Variants in GADL1 observed in about 807,000 individuals in gnomAD.
The protein encoded by GADL1 is acidic amino acid decarboxylase GADL1.
A neutral mutation model predicts 69.5 loss-of-function variants in GADL1; 71 were observed. The observed-to-expected ratio is 1.02, with a 90% confidence interval of 0.84 to 1.25. The LOEUF is 1.25. Ranked by LOEUF, GADL1 falls within the 50% of genes most tolerant of loss-of-function variation. The pLI is 0.00. For synonymous variants in GADL1, 254 were observed against 214.4 expected (o/e 1.18, Z -1.62); for missense variants, 737 against 631.8 (o/e 1.17, Z -1.79).
intron 9 of GADL1, among the ~76,000 whole-genome samples, chr3:30,834,811 C>A (rs1221850535): frequency 2.0e-5 from 3 of 152,082 alleles, no homozygotes; most frequent in East Asian, 1.9e-4. Context: ...AGAGAGAGGG[C>A]AAGCTTGGGA....
rs1287585308 is a variant in GADL1 at position 30,833,893 on chromosome 3, G to A, written c.1010C>T (p.Ala337Val). ...AAGGAGAGCACAGCACTGGATCCCA[G>A]CCATCAGCATCTTGTGTGGGTTCCA... is the stretch of plus-strand genomic sequence containing the variant. ...VAWNPHKMLM[A>V]GIQCCALLVK... Residue 337 changes from alanine (A) to valine (V), a missense_variant, in exon 11 of 15, where the codon GCT (alanine) becomes GTT (valine). Coordinates refer to ENST00000282538, the MANE Select transcript of GADL1 (RefSeq NM_207359.3). The A allele has an allele frequency of 6.2e-7, 1 of 1,612,684 alleles. No homozygotes were observed. The highest frequency in any genetic ancestry group is 1.3e-5 in the African/African-American group (1 of 74,804).
chr3:30,894,499 C>T (rs1698830543), intron 1 of GADL1, 79 bp downstream of exon 1: 1 of 1,183,530 alleles, frequency 8.4e-7, no homozygotes, highest in Non-Finnish European at 1.2e-6. Flanking sequence ...AACTTCTAGT[C>T]CCCAGGTCAA....
chr3:30,889,455 A>T (rs1479681434), intron 1 of GADL1, among the ~76,000 whole-genome samples: 2 of 152,210 alleles, frequency 1.3e-5, no homozygotes, highest in Non-Finnish European at 2.9e-5. Flanking sequence ...CAATTAGGGA[A>T]CACTTACACA....
chr3:30,751,644 T>C (rs1010750127), intron 14 of GADL1, among the ~76,000 whole-genome samples: 4 of 152,126 alleles, frequency 2.6e-5, no homozygotes, highest in African/African-American at 4.8e-5. Flanking sequence ...TGAAACAGTT[T>C]GAGGAATTAT....
rs1696063993 is a variant in GADL1 at position 30,759,310 on chromosome 3, C to T, written c.1392+18869G>A. Among the ~76,000 whole-genome samples the T allele has an allele frequency of 5.9e-5, 9 of 152,124 alleles. No homozygotes were observed. In the South Asian group the frequency reaches 1.9e-3, roughly 32 times the overall value. On this transcript the variant is annotated intron_variant, in intron 14 of 14. Transcript: ENST00000282538. ...AAATTAGCCAGAGTATATTCTACTC[C>T]CTGCACTTGATTTCTAAACAATAGC... is the stretch of plus-strand genomic sequence containing the variant.
chr3:30,794,411 C>A (rs895750034), intron 12 of GADL1, among the ~76,000 whole-genome samples: 3 of 152,124 alleles, frequency 2.0e-5, no homozygotes, highest in Non-Finnish European at 4.4e-5. Context: ...CCCTCAGCAA[C>A]AGGTAACCTT....
At chr3:30,889,097 A>T (rs1472842954) in intron 1 of GADL1, among the ~76,000 whole-genome samples, 1 of 147,770 alleles carries the variant, frequency 6.8e-6, no homozygotes, top group Admixed American at 6.8e-5. Context: ...AAAAAAAAAA[A>T]AAAAAAAAAA....
At chr3:30,877,961 A>G (rs917040040) in intron 1 of GADL1, among the ~76,000 whole-genome samples, 6 of 151,954 alleles carry the variant, frequency 3.9e-5, no homozygotes, top group African/African-American at 1.4e-4. Context: ...CACTACACCA[A>G]AAAATCTCAG....
chr3:30,739,231 C>T (rs1489351850), intron 14 of GADL1, among the ~76,000 whole-genome samples: 1 of 152,184 alleles, frequency 6.6e-6, no homozygotes, highest in Non-Finnish European at 1.5e-5. Context: ...TGGCGTTATG[C>T]TGCTTTGACC....
intron 13 of GADL1, chr3:30,778,772 C>A (rs1575200856): frequency 6.7e-6 from 1 of 149,372 alleles, no homozygotes; most frequent in Admixed American, 6.6e-5. Context: ...CTACTATGAC[C>A]CTAGCCAATA....
At chr3:30,768,739 C>G (rs1057409619) in intron 14 of GADL1, among the ~76,000 whole-genome samples, 1 of 152,110 alleles carries the variant, frequency 6.6e-6, no homozygotes, top group African/African-American at 2.4e-5. Flanking sequence ...AGAGAAGGAA[C>G]AATTTGATCT....
At chr3:30,883,787 CTTCA>C (rs1234306831) in intron 1 of GADL1, among the ~76,000 whole-genome samples, 1 of 151,770 alleles carries the variant, frequency 6.6e-6, no homozygotes, top group Non-Finnish European at 1.5e-5. Context: ...CAGTATGTCT[CTTCA>C]TTTATTTGTG....
intron 14 of GADL1, among the ~76,000 whole-genome samples, chr3:30,761,655 T>C (rs1442633568): frequency 6.6e-6 from 1 of 152,128 alleles, no homozygotes; most frequent in Non-Finnish European, 1.5e-5. Context: ...CATCAGTCTG[T>C]AGTAACTTTT....
chr3:30,793,034 CCT>C (rs1312137232), intron 12 of GADL1, among the ~76,000 whole-genome samples: 1 of 152,028 alleles, frequency 6.6e-6, no homozygotes, highest in Admixed American at 6.6e-5. Context: ...TATTACAGGC[CCT>C]CTCAAAGTTT....
chr3:30,792,563 C>G (rs1397751731), intron 12 of GADL1, among the ~76,000 whole-genome samples: 3 of 152,088 alleles, frequency 2.0e-5, no homozygotes, highest in Non-Finnish European at 4.4e-5. Flanking sequence ...GGTGACAGAG[C>G]AAGATCTTCT....
At chr3:30,884,843 C>G (rs1698683145) in intron 1 of GADL1, among the ~76,000 whole-genome samples, 1 of 147,004 alleles carries the variant, frequency 6.8e-6, no homozygotes, top group Non-Finnish European at 1.5e-5. Flanking sequence ...ATGCCAGGTA[C>G]TTAATAACAT....
In GADL1 at chr3:30,733,889, G is replaced by A. The variant is rs140705383; in HGVS notation, c.1393-5474C>T. On this transcript the variant is annotated intron_variant, in intron 14 of 14. Coordinates refer to ENST00000282538, the MANE Select transcript of GADL1 (RefSeq NM_207359.3). The stretch of plus-strand genomic sequence containing the variant: ...ATTCAGACTTTGATGGGCTTTCCCC[G>A]TGCCTCCCCCTTCTGAGGGGGTGCT... Among the ~76,000 whole-genome samples the A allele has an allele frequency of 7.2e-5, 11 of 152,166 alleles. No homozygotes were observed. In the South Asian group the frequency reaches 8.3e-4, roughly 11 times the overall value.
chr3:30,802,465 A>G (rs1697183227), intron 11 of GADL1, among the ~76,000 whole-genome samples: 1 of 99,398 alleles, frequency 1.0e-5, no homozygotes, highest in African/African-American at 4.8e-5. Flanking sequence ...ATGCAAAACT[A>G]CTAGTGCTGT....
At chr3:30,868,055 C>A (rs570445584) in intron 1 of GADL1, among the ~76,000 whole-genome samples, 2 of 152,092 alleles carry the variant, frequency 1.3e-5, no homozygotes, top group South Asian at 2.1e-4. Context: ...GCTGCCCAGA[C>A]CTCCCACCTT....
Sources: gnomAD v4.1 joint callset for allele counts (sites outside exome capture counted in the v4.1 genomes callset) on GRCh38, gnomAD v4.1.1 for gene constraint, MANE v1.5 for transcripts, NCBI Gene and HGNC (gene_info 2026-07-23, HGNC 2026-07-21) for gene names.